HERC2: variants seen among roughly 807,000 people sequenced by gnomAD.
The protein encoded by HERC2 is E3 ubiquitin-protein ligase HERC2.
Under a neutral mutation model 537.7 loss-of-function variants are expected in HERC2, and 102 were observed. The ratio of observed to expected loss-of-function variants is 0.19; its 90% confidence interval spans 0.16 to 0.22. The LOEUF is 0.22. Among genes scored for constraint, HERC2 ranks in the 10% least tolerant of loss-of-function variants. The pLI, the probability that HERC2 is intolerant of heterozygous loss-of-function variation, is 1.00. For missense variants in HERC2, 4,236 were observed against 6,198.2 expected, an observed-to-expected ratio of 0.68 and a Z score of 10.63; for synonymous variants, 2,224 against 2,466.2, an observed-to-expected ratio of 0.90 and a Z score of 2.91.
intron 2 of HERC2, among the ~76,000 whole-genome samples, chr15:28,307,187 T>A (rs938753409): frequency 6.6e-6 from 1 of 152,208 alleles, no homozygotes; most frequent in African/African-American, 2.4e-5. Context: ...ATATAGCTGT[T>A]CATAGTCTCT....
intron 65 of HERC2, 21 bp from the exon 66 acceptor site, chr15:28,169,676 T>C (rs1171168815): frequency 1.5e-5 from 24 of 1,591,702 alleles, no homozygotes; most frequent in Non-Finnish European, 1.9e-5. Flanking sequence ...AAAATAAAAT[T>C]TGCATTGTTT....
intron 79 of HERC2, among the ~76,000 whole-genome samples, 173 bp from the exon 80 acceptor site, chr15:28,133,003 C>A (rs1206128278): frequency 6.6e-6 from 1 of 152,154 alleles, no homozygotes; most frequent in African/African-American, 2.4e-5. Context: ...CCTTCCTGTA[C>A]AAGGCCAGAG....
Position 28,177,402 on chromosome 15 carries a change from A to T in HERC2, c.9254+17T>A, listed in dbSNP as rs926994155. On this transcript the variant is annotated intron_variant, in intron 60 of 92. Transcript: ENST00000261609. This position sits in a 1 kb window ranked among gnomAD's most constrained non-coding sequence, Gnocchi z 5.0. ...CAGTTTCTTATTAGCAAATGAGACT[A>T]AAAAAAGTACCCTTACATTCTGCTG... The T allele has an allele frequency of 1.1e-5, 17 of 1,603,092 alleles. No homozygotes were observed. The highest frequency in any genetic ancestry group is 1.5e-5 in the Non-Finnish European group (17 of 1,170,142).
intron 35 of HERC2, among the ~76,000 whole-genome samples, chr15:28,227,081 C>G (rs1901263533): frequency 6.6e-6 from 1 of 152,136 alleles, no homozygotes; most frequent in Admixed American, 6.5e-5. Flanking sequence ...TCCAGACCAG[C>G]CTGGCCAACA....
Position 28,191,220 on chromosome 15 carries a change from G to A in HERC2, c.8476C>T (p.Pro2826Ser). The A allele has an allele frequency of 6.2e-7, 1 of 1,612,930 alleles. No homozygotes were observed. The highest frequency in any genetic ancestry group is 8.5e-7 in the Non-Finnish European group (1 of 1,179,592). ...GKHWIRLEIF[P>S]DVLVHRLKMI... ...TTTAATCTATGAACAAGAACATCTGGGAAAATCTCCAAACGAATCCAGTGC... is the reference window on the plus strand; with the variant it reads ...TTTAATCTATGAACAAGAACATCTGAGAAAATCTCCAAACGAATCCAGTGC... The change falls in exon 54 of 93, where the codon CCA (proline) becomes TCA (serine). Residue 2826 changes from proline (P) to serine (S), a missense_variant. Pro to Ser is a moderately conservative substitution (Grantham distance 74). Coordinates refer to ENST00000261609, the MANE Select transcript of HERC2 (RefSeq NM_004667.6).
chr15:28,145,422 T>C (rs1891633308), intron 71 of HERC2, among the ~76,000 whole-genome samples: 1 of 152,202 alleles, frequency 6.6e-6, no homozygotes, highest in South Asian at 2.1e-4. Context: ...GGATGGCCCA[T>C]AAAGGCTTTC....
At chr15:28,161,958 T>C (rs1206077460) in intron 69 of HERC2, among the ~76,000 whole-genome samples, 1 of 152,170 alleles carries the variant, frequency 6.6e-6, no homozygotes, top group Non-Finnish European at 1.5e-5. Context: ...AAAAGTAAAG[T>C]TGGATACCTA....
chr15:28,243,315 G>A (rs1903318913), intron 23 of HERC2, among the ~76,000 whole-genome samples: 1 of 152,178 alleles, frequency 6.6e-6, no homozygotes, highest in African/African-American at 2.4e-5. Context: ...AACTTTTAAG[G>A]TGTAAAAGAA....
chr15:28,116,771 C>A lies in HERC2; in HGVS notation c.13503G>T (p.Leu4501=). Residue 4501 remains leucine (L), a synonymous_variant, in exon 88 of 93, where the codon CTG becomes CTT. Transcript: ENST00000261609. ...EELQNGLTPL[L]IVTPNGRDES... is the part of the protein sequence containing the mutation. ...CATCCCTCCCGTTGGGTGTCACGATCAGCAGGGGCGTGAGTCCGTTCTGCA... is the reference window on the plus strand; with the variant it reads ...CATCCCTCCCGTTGGGTGTCACGATAAGCAGGGGCGTGAGTCCGTTCTGCA... 1 of 1,614,036 alleles carries A rather than the reference C, an allele frequency of 6.2e-7. No individual in the cohort carries two copies. The highest frequency in any genetic ancestry group is 1.7e-5 in the Admixed American group (1 of 60,028).
intron 37 of HERC2, among the ~76,000 whole-genome samples, chr15:28,219,914 G>A (rs1399743866): frequency 6.6e-6 from 1 of 152,162 alleles, no homozygotes; most frequent in Non-Finnish European, 1.5e-5. Context: ...AGCTTTCTTG[G>A]TCCACCCCTA....
Position 28,146,342 on chromosome 15 carries a change from C to T in HERC2, c.10903G>A (p.Ala3635Thr). 6.2e-7 allele frequency: 1 copy of T among 1,606,792 alleles called. No individual in the cohort carries two copies. The highest frequency in any genetic ancestry group is 8.5e-7 in the Non-Finnish European group (1 of 1,173,350). ...STSGTVKIPG[A>T]EGLRVEFDRQ... ...TCAAATTCTACCCTGAGTCCTTCTGCACCTGAAGGACAGGCAAGCACAAAA... is the reference window on the plus strand; with the variant it reads ...TCAAATTCTACCCTGAGTCCTTCTGTACCTGAAGGACAGGCAAGCACAAAA... Residue 3635 changes from alanine (A) to threonine (T), a missense_variant and splice_region_variant, in exon 71 of 93, where the codon GCA becomes ACA. By Grantham distance (58) the Ala-to-Thr change is moderately conservative (BLOSUM62 0). Transcript: ENST00000261609.
intron 12 of HERC2, 126 bp from the exon 13 acceptor site, chr15:28,266,100 G>T: frequency 2.0e-6 from 2 of 993,432 alleles, no homozygotes; most frequent in Non-Finnish European, 3.0e-6. Flanking sequence ...CACCTTCCAG[G>T]TACCTTGTGA....
At chr15:28,115,679 T>C (rs879225498) in intron 88 of HERC2, 138 bp from the exon 89 acceptor site, 1 of 619,404 alleles carries the variant, frequency 1.6e-6, no homozygotes, top group South Asian at 2.0e-5. Context: ...ACATCATAGG[T>C]CTAGGCCCTT....
intron 65 of HERC2, among the ~76,000 whole-genome samples, chr15:28,171,704 A>T (rs1372932067): frequency 6.6e-6 from 1 of 152,176 alleles, no homozygotes; most frequent in Non-Finnish European, 1.5e-5. Context: ...ATATTCCCAT[A>T]CAGAAGAAAT....
At chr15:28,215,891 T>A in intron 38 of HERC2, 89 bp from the exon 39 acceptor site, 1 of 961,078 alleles carries the variant, frequency 1.0e-6, no homozygotes, top group Non-Finnish European at 1.5e-6. Flanking sequence ...CAACTTATTT[T>A]ATTTTTCTAA....
chr15:28,273,078 A>G (rs2141003789), intron 7 of HERC2, 74 bp from the exon 8 acceptor site: 2 of 1,015,696 alleles, frequency 2.0e-6, no homozygotes, highest in South Asian at 2.6e-5. Flanking sequence ...ACACTAACAC[A>G]TTTACTACAC....
chr15:28,304,065 C>T (rs1375579536), intron 2 of HERC2, among the ~76,000 whole-genome samples: 3 of 145,302 alleles, frequency 2.1e-5, no homozygotes, highest in African/African-American at 7.7e-5. Flanking sequence ...ACTCAGGCAG[C>T]TAAGGCAGGA....
chr15:28,214,338 G>A, intron 40 of HERC2, 66 bp from the exon 41 acceptor site: 1 of 1,369,410 alleles, frequency 7.3e-7, no homozygotes, highest in Non-Finnish European at 1.0e-6. Flanking sequence ...AAAGGAGACG[G>A]CTACCCACCT....
rs368440552 is a variant in HERC2, at chr15:28,220,619, C to T, written c.5678G>A (p.Arg1893His). ...GTCCTCTCCCAGCTCACCAATCACGCGGCCTAGGCCTGGAGGAGGCCCATC... is the reference window on the plus strand; with the variant it reads ...GTCCTCTCCCAGCTCACCAATCACGTGGCCTAGGCCTGGAGGAGGCCCATC... Reference protein sequence around the residue: ...DQDGPPPGLGRVIGELGEDGW... With the variant: ...DQDGPPPGLGHVIGELGEDGW... The change falls in exon 37 of 93, where the codon CGC becomes CAC. Residue 1893 changes from arginine to histidine, a missense_variant. By Grantham distance (29) the Arg-to-His change is conservative (BLOSUM62 0). Transcript: ENST00000261609. The T allele has an allele frequency of 7.7e-5, 123 of 1,603,952 alleles. 2 individuals carry two copies. Among genetic ancestry groups the T allele is most frequent in the African/African-American group, 5.2e-4 (39 of 74,876 alleles).
Sources: gnomAD v4.1 joint callset for allele counts (sites outside exome capture counted in the v4.1 genomes callset) on GRCh38, gnomAD v4.1.1 for gene constraint, Gnocchi (gnomAD v3.1) non-coding constraint, MANE v1.5 for transcripts, NCBI Gene and HGNC (gene_info 2026-07-23, HGNC 2026-07-21) for gene names.